TUBA1C: variants seen among roughly 807,000 people sequenced by gnomAD.
The protein encoded by TUBA1C is tubulin alpha-1C chain.
In TUBA1C, 16 loss-of-function variants were observed where a neutral mutation model predicts 34.9. The observed-to-expected ratio is 0.46, with a 90% CI of 0.31 to 0.70. The LOEUF is 0.70. TUBA1C is among the 30% of genes least tolerant of loss of function. The pLI is 0.05. For missense variants in TUBA1C, 329 were observed against 587.3 expected, an observed-to-expected ratio of 0.56 and a Z score of 4.55; for synonymous variants, 177 against 215.9, an observed-to-expected ratio of 0.82 and a Z score of 1.58.
chr12:49,240,336 T>C (rs889687427), intron 1 of TUBA1C, among the ~76,000 whole-genome samples: 18 of 150,938 alleles, frequency 1.2e-4, no homozygotes, highest in Non-Finnish European at 4.4e-5. Context: ...CTAAATTCAG[T>C]AGTTTCTATC....
chr12:49,239,499 G>C (rs1942589927), intron 1 of TUBA1C, among the ~76,000 whole-genome samples: 1 of 151,972 alleles, frequency 6.6e-6, no homozygotes, highest in African/African-American at 2.4e-5. Flanking sequence ...AAATTAGCCA[G>C]GTGTGGTGGC....
chr12:49,241,392 T>C (rs759140845), intron 1 of TUBA1C, among the ~76,000 whole-genome samples: 3 of 152,022 alleles, frequency 2.0e-5, no homozygotes, highest in African/African-American at 4.8e-5. Flanking sequence ...GGTGTTTCCA[T>C]TGGAGGAACT....
chr12:49,251,119 A>C (rs1268423413), intron 1 of TUBA1C, among the ~76,000 whole-genome samples: 1 of 152,170 alleles, frequency 6.6e-6, no homozygotes, highest in Admixed American at 6.5e-5. Flanking sequence ...AGGTGGGACA[A>C]TAACTTGAAC....
At chr12:49,255,477 C>T (rs927666595) in intron 1 of TUBA1C, among the ~76,000 whole-genome samples, 5 of 150,540 alleles carry the variant, frequency 3.3e-5, no homozygotes, top group Admixed American at 2.0e-4. Context: ...GGTCTCAAAC[C>T]TCTGGACTCA....
chr12:49,245,840 C>T (rs1942661658), intron 1 of TUBA1C, among the ~76,000 whole-genome samples: 1 of 152,220 alleles, frequency 6.6e-6, no homozygotes, highest in Non-Finnish European at 1.5e-5. Flanking sequence ...GGGCAAGCAT[C>T]TTCCTGTCTA....
chr12:49,254,235 C>T (rs1168705487), intron 1 of TUBA1C, among the ~76,000 whole-genome samples: 1 of 151,812 alleles, frequency 6.6e-6, no homozygotes, highest in African/African-American at 2.4e-5. Context: ...CGCTTGAACC[C>T]GGGAGCTGGA....
intron 1 of TUBA1C, among the ~76,000 whole-genome samples, chr12:49,266,049 G>A (rs189121178): frequency 2.3e-3 from 347 of 149,770 alleles, no homozygotes; most frequent in African/African-American, 8.0e-3. Context: ...AAAATCGCTT[G>A]AACCCAGGAG....
intron 3 of TUBA1C, 148 bp from the exon 4 acceptor site, chr12:49,272,105 G>T: frequency 7.2e-7 from 1 of 1,385,494 alleles, no homozygotes; most frequent in Non-Finnish European, 9.6e-7. Context: ...GTTGATTACA[G>T]GCGTGAGCCA....
At chr12:49,253,693 A>C (rs1942753621) in intron 1 of TUBA1C, among the ~76,000 whole-genome samples, 1 of 151,990 alleles carries the variant, frequency 6.6e-6, no homozygotes. Context: ...ACACCATGCT[A>C]ATTTTAAATT....
chr12:49,231,952 A>C (rs1319294825), intron 1 of TUBA1C, among the ~76,000 whole-genome samples: 2 of 152,206 alleles, frequency 1.3e-5, no homozygotes, highest in East Asian at 3.8e-4. Context: ...TCACCTATAG[A>C]ACCTGAGCCA....
chr12:49,268,419 A>G (rs1028867864), intron 1 of TUBA1C, among the ~76,000 whole-genome samples: 2 of 135,896 alleles, frequency 1.5e-5, no homozygotes, highest in East Asian at 2.1e-4. Flanking sequence ...TTTTTTTTGT[A>G]TTTTTAATAG....
Position 49,273,146 on chromosome 12 carries a change from G to A in TUBA1C, c.1269G>A (p.Glu423=), listed in dbSNP as rs372085305. Reference sequence around the variant, plus strand: ...AAGGCGAGTTTTCAGAGGCCCGTGAGGACATGGCTGCCCTTGAGAAGGATT... The same window carrying A: ...AAGGCGAGTTTTCAGAGGCCCGTGAAGACATGGCTGCCCTTGAGAAGGATT... The part of the protein sequence containing the change: ...MEEGEFSEAR[E]DMAALEKDYE... Residue 423 remains glutamate, a synonymous_variant, in exon 4 of 4, where the codon GAG becomes GAA. Coordinates refer to ENST00000301072, the MANE Select transcript of TUBA1C (RefSeq NM_032704.5). 1.9e-5 allele frequency: 30 copies of A among 1,614,216 alleles called. No individual in the cohort carries two copies. In the Middle Eastern group the frequency reaches 6.6e-4, roughly 36 times the overall value.
At chr12:49,265,232 A>G in intron 1 of TUBA1C, 48 bp downstream of exon 1, 2 of 1,537,192 alleles carry the variant, frequency 1.3e-6, no homozygotes, top group Non-Finnish European at 1.8e-6. Context: ...GTCCCAGGGG[A>G]CGGCGGGCCC....
intron 1 of TUBA1C, 71 bp downstream of exon 1, chr12:49,265,255 CT>C: frequency 7.2e-7 from 1 of 1,380,326 alleles, no homozygotes; most frequent in Non-Finnish European, 1.0e-6. Context: ...AAACTACTGC[CT>C]GCACCTCGGG....
chr12:49,273,648 G>C lies in TUBA1C; in HGVS notation c.*421G>C, dbSNP rs1371845200. 2 of 244,494 alleles carry C rather than the reference G, an allele frequency of 8.2e-6. No homozygotes were observed. The highest frequency in any genetic ancestry group is 4.5e-5 in the African/African-American group (2 of 44,296). 15.1% of individuals were successfully genotyped at this position (244,494 alleles called of 1,614,324 possible). ...GATCCTCCTGCCTCAACCTCTCAAA[G>C]TTTTGATTATAGGCATGAGCCACTG... On this transcript the variant is annotated 3_prime_UTR_variant, in exon 4 of 4. Coordinates refer to ENST00000301072, the MANE Select transcript of TUBA1C (RefSeq NM_032704.5).
intron 1 of TUBA1C, among the ~76,000 whole-genome samples, chr12:49,241,991 C>CTT (rs201854507): frequency 1.7e-4 from 23 of 131,836 alleles, no homozygotes; most frequent in Admixed American, 1.5e-3. Context: ...TTCTTTCTTT[C>CTT]TTTTTTTTTT....
intron 1 of TUBA1C, among the ~76,000 whole-genome samples, chr12:49,235,543 T>A (rs886707673): frequency 2.0e-5 from 3 of 152,030 alleles, no homozygotes; most frequent in African/African-American, 7.2e-5. Context: ...GAGACCAGTC[T>A]GGCCAACATG....
At chr12:49,228,212 G>A (rs564287991) in intron 1 of TUBA1C, 57 of 1,514,164 alleles carry the variant, frequency 3.8e-5, no homozygotes, top group South Asian at 9.6e-5. Context: ...CATCATGCAC[G>A]GCTTGGACAT....
At chr12:49,243,486 T>G (rs1942638526) in intron 1 of TUBA1C, among the ~76,000 whole-genome samples, 1 of 152,176 alleles carries the variant, frequency 6.6e-6, no homozygotes. Flanking sequence ...TGCTTCTTAC[T>G]TGGCTCTCAG....
Sources: gnomAD v4.1 joint callset for allele counts (sites outside exome capture counted in the v4.1 genomes callset) on GRCh38, gnomAD v4.1.1 for gene constraint, MANE v1.5 for transcripts, NCBI Gene and HGNC (gene_info 2026-07-23, HGNC 2026-07-21) for gene names.